Variants in CADM2 observed in about 807,000 individuals in gnomAD.
CADM2 encodes immunoglobulin superfamily member 4D.
In CADM2, 12 loss-of-function variants were observed where a neutral mutation model predicts 49.8. The observed-to-expected ratio is 0.24, with a 90% CI of 0.15 to 0.39. CADM2 has a LOEUF of 0.39. Among genes scored for constraint, CADM2 ranks in the 10% least tolerant of loss-of-function variants. The probability of loss-of-function intolerance (pLI) is 1.00; values close to 1 mark genes in which losing one functional copy is unlikely to be tolerated. For synonymous variants in CADM2, 214 were observed against 175.4 expected (o/e 1.22, Z -1.74); for missense variants, 378 against 492.3 (o/e 0.77, Z 2.20).
chr3:85,470,083 T>C (rs2107607147), intron 1 of CADM2, among the ~76,000 whole-genome samples: 1 of 152,326 alleles, frequency 6.6e-6, no homozygotes, highest in South Asian at 2.1e-4. Flanking sequence ...TGTCTATTTA[T>C]ATTTGATTTA....
intron 7 of CADM2, among the ~76,000 whole-genome samples, chr3:85,937,408 A>C (rs1721303278): frequency 6.6e-6 from 1 of 151,934 alleles, no homozygotes; most frequent in Non-Finnish European, 1.5e-5. Flanking sequence ...AGATAAAGGA[A>C]ATAAGAAAGG....
At chr3:85,552,635 C>A (rs1339126364) in intron 1 of CADM2, among the ~76,000 whole-genome samples, 1 of 151,884 alleles carries the variant, frequency 6.6e-6, no homozygotes, top group Non-Finnish European at 1.5e-5. Flanking sequence ...CCACCTCAAC[C>A]TACCAAAGTG....
intron 1 of CADM2, among the ~76,000 whole-genome samples, chr3:85,105,611 T>A (rs1199683325): frequency 3.3e-5 from 5 of 152,178 alleles, no homozygotes. Context: ...CCCAAGGGAC[T>A]ATAAATCATG....
At chr3:85,028,319 C>G (rs80032215) in intron 1 of CADM2, among the ~76,000 whole-genome samples, 1 of 152,088 alleles carries the variant, frequency 6.6e-6, no homozygotes, top group Non-Finnish European at 1.5e-5. Context: ...GTGACCTTCT[C>G]CCTAAACTGC....
chr3:85,826,129 T>G (rs764391928), intron 3 of CADM2, among the ~76,000 whole-genome samples: 2 of 152,034 alleles, frequency 1.3e-5, no homozygotes, highest in African/African-American at 4.8e-5. Flanking sequence ...TTATAGAAAT[T>G]CAGCATAATT....
chr3:85,646,535 G>A (rs532230381), intron 1 of CADM2, among the ~76,000 whole-genome samples: 2 of 152,018 alleles, frequency 1.3e-5, no homozygotes, highest in East Asian at 3.9e-4. Flanking sequence ...TCTCATCACT[G>A]TATCAACTGA....
chr3:85,036,672 T>C (rs1176498704), intron 1 of CADM2, among the ~76,000 whole-genome samples: 2 of 152,278 alleles, frequency 1.3e-5, no homozygotes, highest in Middle Eastern at 3.4e-3. Flanking sequence ...GTTTTCTTTA[T>C]AATTGCTTTT....
intron 2 of CADM2, among the ~76,000 whole-genome samples, chr3:85,761,599 T>A (rs1046643059): frequency 2.6e-5 from 4 of 151,968 alleles, no homozygotes; most frequent in African/African-American, 4.8e-5. Context: ...ATGGTCTCAA[T>A]CTCTTGACCT....
chr3:85,439,205 G>A (rs942362956), intron 1 of CADM2, among the ~76,000 whole-genome samples: 1 of 148,648 alleles, frequency 6.7e-6, no homozygotes, highest in Non-Finnish European at 1.5e-5. Flanking sequence ...CCAAGCTGGA[G>A]TGTAATGGAG....
At chr3:85,725,015 C>T (rs529878025) in intron 1 of CADM2, among the ~76,000 whole-genome samples, 117 of 151,704 alleles carry the variant, frequency 7.7e-4, no homozygotes, top group African/African-American at 2.6e-3. Context: ...TTTTAAGTTA[C>T]TTTAAAAAAA....
intron 1 of CADM2, among the ~76,000 whole-genome samples, chr3:85,714,930 A>C (rs1432085568): frequency 6.6e-6 from 1 of 152,128 alleles, no homozygotes; most frequent in Non-Finnish European, 1.5e-5. Flanking sequence ...ACTAGGTGAC[A>C]CTTTAGTTTT....
rs2061893309 is a variant in CADM2, at chr3:85,554,292, C to A, written c.62-172230C>A. Reference sequence around the variant, plus strand: ...CTGCTCCTATGAGAATCTAATGCCGCCCCTGAATCTGACAGGAGGTGGAGT... The same window carrying A: ...CTGCTCCTATGAGAATCTAATGCCGACCCTGAATCTGACAGGAGGTGGAGT... On this transcript the variant is annotated intron_variant, in intron 1 of 9. Coordinates refer to ENST00000383699, the MANE Select transcript of CADM2 (RefSeq NM_001167675.2). 2.0e-5 allele frequency among the ~76,000 whole-genome samples: 3 copies of A among 152,188 alleles called. No homozygotes were observed. In the South Asian group the frequency reaches 6.2e-4, roughly 31 times the overall value.
chr3:85,231,326 C>T (rs1162893026), intron 1 of CADM2, among the ~76,000 whole-genome samples: 1 of 152,054 alleles, frequency 6.6e-6, no homozygotes, highest in Non-Finnish European at 1.5e-5. Flanking sequence ...GCAGCTATGA[C>T]ATTGCTATGT....
At chr3:85,049,405 C>A (rs2035792995) in intron 1 of CADM2, among the ~76,000 whole-genome samples, 1 of 151,754 alleles carries the variant, frequency 6.6e-6, no homozygotes, top group Admixed American at 6.6e-5. Context: ...GGCTGGAGTG[C>A]AATGATGCGA....
intron 1 of CADM2, among the ~76,000 whole-genome samples, chr3:85,052,098 A>G (rs1041521583): frequency 6.6e-6 from 1 of 152,162 alleles, no homozygotes; most frequent in African/African-American, 2.4e-5. Flanking sequence ...AACCCATGAT[A>G]TGACAATACT....
intron 8 of CADM2, among the ~76,000 whole-genome samples, chr3:86,030,260 G>A (rs1325331164): frequency 6.6e-6 from 1 of 151,760 alleles, no homozygotes; most frequent in Non-Finnish European, 1.5e-5. Context: ...ATTTGTATTC[G>A]AGTTTCTGTT....
At chr3:85,460,624 C>T (rs992694275) in intron 1 of CADM2, among the ~76,000 whole-genome samples, 1 of 151,968 alleles carries the variant, frequency 6.6e-6, no homozygotes, top group Non-Finnish European at 1.5e-5. Flanking sequence ...GCGATTTCTT[C>T]AATGCAAAAA....
At chr3:85,509,388 G>A (rs68102233) in intron 1 of CADM2, among the ~76,000 whole-genome samples, 45,030 of 151,946 alleles carry the variant, frequency 0.3, 7,913 homozygotes, top group East Asian at 0.55. Context: ...CACGATCATG[G>A]TCCAAACAAT....
intron 1 of CADM2, among the ~76,000 whole-genome samples, chr3:84,999,669 G>T (rs1314235917): frequency 6.6e-6 from 1 of 152,174 alleles, no homozygotes; most frequent in Non-Finnish European, 1.5e-5. Flanking sequence ...CTGAGAATGT[G>T]CATATCAGGC....
Sources: allele counts gnomAD v4.1 joint callset (sites outside exome capture counted in the v4.1 genomes callset), GRCh38; gene constraint gnomAD v4.1.1; transcripts MANE v1.5; gene names NCBI Gene and HGNC (gene_info 2026-07-23, HGNC 2026-07-21).